Variants in MINDY3 observed in about 807,000 individuals in gnomAD.
The protein encoded by MINDY3 is ubiquitin carboxyl-terminal hydrolase MINDY-3.
MINDY3 carries 38 observed loss-of-function variants against 69.2 expected under a neutral mutation model. The observed-to-expected ratio is 0.55, with a 90% CI of 0.42 to 0.72. The LOEUF (loss-of-function observed/expected upper bound fraction) is 0.72, where lower values mean the gene tolerates loss of function less well. Among genes scored for constraint, MINDY3 ranks in the 30% least tolerant of loss-of-function variants. The probability of loss-of-function intolerance (pLI) is 0.00; values close to 1 mark genes in which losing one functional copy is unlikely to be tolerated. For synonymous variants in MINDY3, 192 were observed against 180.1 expected (o/e 1.07, Z -0.53); for missense variants, 522 against 519.0 (o/e 1.01, Z -0.06).
At chr10:15,858,866 G>A (rs1834879765) in intron 1 of MINDY3, among the ~76,000 whole-genome samples, 2 of 152,104 alleles carry the variant, frequency 1.3e-5, no homozygotes, top group African/African-American at 4.8e-5. Flanking sequence ...GTAAGTCAAA[G>A]TGGGAAGTGT....
At chr10:15,849,254 G>C (rs1834095072) in intron 1 of MINDY3, among the ~76,000 whole-genome samples, 1 of 152,110 alleles carries the variant, frequency 6.6e-6, no homozygotes, top group African/African-American at 2.4e-5. Flanking sequence ...AAGCAAAAAG[G>C]TTTTCCAAGA....
chr10:15,841,549 T>C lies in MINDY3; in HGVS notation c.286A>G (p.Ser96Gly), dbSNP rs778924662. 1 of 1,611,406 alleles carries C rather than the reference T, an allele frequency of 6.2e-7. No homozygotes were observed. The highest frequency in any genetic ancestry group is 8.5e-7 in the Non-Finnish European group (1 of 1,178,328). The change falls in exon 4 of 15, where the codon AGT (serine) becomes GGT (glycine). Residue 96 changes from serine (S) to glycine (G), a missense_variant. By Grantham distance (56) the Ser-to-Gly change is moderately conservative. Coordinates refer to ENST00000277632, the MANE Select transcript of MINDY3 (RefSeq NM_024948.4). The stretch of plus-strand genomic sequence containing the variant: ...GATCCAGAGTGGTCACAACAAGCAC[T>C]TTCTAAAATATCACACAAGGTATGA... ...LCHTLCDILESACCDHSGSYC... is the reference protein window; with the variant it reads ...LCHTLCDILEGACCDHSGSYC...
At chr10:15,787,377 T>C (rs979602197) in intron 12 of MINDY3, among the ~76,000 whole-genome samples, 1 of 152,080 alleles carries the variant, frequency 6.6e-6, no homozygotes, top group Non-Finnish European at 1.5e-5. Flanking sequence ...AAAATGAAAA[T>C]AGTCTTCAGA....
rs546033141 is a variant in MINDY3, at chr10:15,813,156, T to C, written c.882+3679A>G. ...CCCCCAAAACTACTCCCACTACCAA[T>C]TTTTAACAAGTCTAGTTGTCCTAAC... On this transcript the variant is annotated intron_variant, in intron 10 of 14. Transcript: ENST00000277632. Among the ~76,000 whole-genome samples, 11 of 152,314 alleles carry C rather than the reference T, an allele frequency of 7.2e-5. No homozygotes were observed. The East Asian group carries it at 1.5e-3, about 21-fold the overall frequency.
chr10:15,827,542 CAATA>C (rs142839462), intron 8 of MINDY3, among the ~76,000 whole-genome samples: 48,509 of 148,526 alleles, frequency 0.33, 9,517 homozygotes, highest in African/African-American at 0.56. Flanking sequence ...GACTCCGTCT[CAATA>C]AATAAATAAA....
chr10:15,846,281 A>G (rs1276843727), intron 2 of MINDY3, among the ~76,000 whole-genome samples: 1 of 152,202 alleles, frequency 6.6e-6, no homozygotes, highest in Non-Finnish European at 1.5e-5. Context: ...TATACCCTCC[A>G]TTTAACTATA....
intron 14 of MINDY3, 33 bp from the exon 15 acceptor site, chr10:15,779,174 C>T: frequency 6.3e-7 from 1 of 1,598,314 alleles, no homozygotes; most frequent in Non-Finnish European, 8.5e-7. Context: ...CAAGGTCAAG[C>T]AACAGTCTTA....
At chr10:15,822,547 A>G (rs553126576) in intron 8 of MINDY3, among the ~76,000 whole-genome samples, 1 of 152,224 alleles carries the variant, frequency 6.6e-6, no homozygotes, top group Non-Finnish European at 1.5e-5. Flanking sequence ...GTTTCCTTAA[A>G]TGTTTCTGGT....
chr10:15,816,023 T>G lies in MINDY3; in HGVS notation c.882+812A>C, dbSNP rs142738004. 1.7e-3 allele frequency among the ~76,000 whole-genome samples: 254 copies of G among 152,196 alleles called. 1 individual carries two copies. The highest frequency in any genetic ancestry group is 5.8e-3 in the African/African-American group (243 of 41,548). ...GCTCACGCCTGTGATCCCAACACTT[T>G]GGGAGGCAGAGGTGGGCAGATCACT... On this transcript the variant is annotated intron_variant, in intron 10 of 14. Coordinates refer to ENST00000277632, the MANE Select transcript of MINDY3 (RefSeq NM_024948.4).
At chr10:15,826,032 T>G (rs1840064344) in intron 8 of MINDY3, among the ~76,000 whole-genome samples, 1 of 152,024 alleles carries the variant, frequency 6.6e-6, no homozygotes, top group South Asian at 2.1e-4. Context: ...AAGAATTCCT[T>G]TAAGATAAAA....
rs146181779 is a variant in MINDY3, at chr10:15,801,746, A to C, written c.883-5574T>G. On this transcript the variant is annotated intron_variant, in intron 10 of 14. Transcript: ENST00000277632. ...ACTGAAGAGGCCATCACTGTTACAG[A>C]AAAAGCTAATCCATCTGGCCCAAAA... Among the ~76,000 whole-genome samples the C allele has an allele frequency of 3.7e-3, 558 of 152,206 alleles. 6 individuals carry two copies. Among genetic ancestry groups the C allele is most frequent in the African/African-American group, 0.012 (494 of 41,546 alleles).
rs10719399 is a variant in MINDY3 at position 15,848,633 on chromosome 10, C to CAAAAAAAAAAAAAAAA, written c.95-706_95-691dup. Among the ~76,000 whole-genome samples, 51 of 48,804 alleles carry CAAAAAAAAAAAAAAAA rather than the reference C, an allele frequency of 1.0e-3. 1 individual carries two copies. The highest frequency in any genetic ancestry group is 2.5e-3 in the African/African-American group (18 of 7,164). The allele number at this position is 48,804 out of a possible 152,430, so 32.0% of individuals were successfully genotyped here. On this transcript the variant is annotated intron_variant, in intron 1 of 14. Coordinates refer to ENST00000277632, the MANE Select transcript of MINDY3 (RefSeq NM_024948.4). The stretch of plus-strand genomic sequence containing the variant: ...TGGGCCACAGAGCTAGACTTCATCT[C>CAAAAAAAAAAAAAAAA]AAAAAAAAAAAAAAAAAAAAAAAAA...
At chr10:15,816,282 G>GAAAAAAAAAAAAAAAAAAAAAA (rs1421619763) in intron 10 of MINDY3, among the ~76,000 whole-genome samples, 3 of 108,478 alleles carry the variant, frequency 2.8e-5, no homozygotes, top group African/African-American at 1.2e-4. Flanking sequence ...AAAAAAAAAT[G>GAAAAAAAAAAAAAAAAAAAAAA]AAAAAGAAAA....
At chr10:15,825,371 T>G (rs1045227298) in intron 8 of MINDY3, among the ~76,000 whole-genome samples, 5 of 152,230 alleles carry the variant, frequency 3.3e-5, no homozygotes, top group Non-Finnish European at 5.9e-5. Context: ...TTGCCAGAAT[T>G]AATTTACTAT....
At chr10:15,831,367 A>T (rs555000689) in intron 8 of MINDY3, among the ~76,000 whole-genome samples, 19 of 152,332 alleles carry the variant, frequency 1.2e-4, no homozygotes, top group Admixed American at 7.2e-4. Context: ...TGAAATATAA[A>T]TGGGGTATTT....
intron 10 of MINDY3, among the ~76,000 whole-genome samples, chr10:15,811,495 T>C (rs1838996404): frequency 6.6e-6 from 1 of 152,184 alleles, no homozygotes; most frequent in Admixed American, 6.6e-5. Flanking sequence ...ATTTTGGAAG[T>C]GATATTCACT....
chr10:15,828,755 G>T (rs1840261354), intron 8 of MINDY3, among the ~76,000 whole-genome samples: 1 of 151,984 alleles, frequency 6.6e-6, no homozygotes, highest in South Asian at 2.1e-4. Flanking sequence ...GAAACTCAAG[G>T]CAAAAAACAG....
At chr10:15,795,094 G>T (rs1046271729) in intron 11 of MINDY3, among the ~76,000 whole-genome samples, 4 of 151,938 alleles carry the variant, frequency 2.6e-5, no homozygotes, top group African/African-American at 9.7e-5. Context: ...TTTGGTTTTG[G>T]AATGTTCATA....
chr10:15,841,367 T>A, intron 4 of MINDY3, 59 bp downstream of exon 4: 1 of 1,342,470 alleles, frequency 7.4e-7, no homozygotes, highest in South Asian at 1.3e-5. Context: ...AAATATTCAA[T>A]AGATTCATTA....
Sources: gnomAD v4.1 joint callset for allele counts (sites outside exome capture counted in the v4.1 genomes callset) on GRCh38, gnomAD v4.1.1 for gene constraint, MANE v1.5 for transcripts, NCBI Gene and HGNC (gene_info 2026-07-23, HGNC 2026-07-21) for gene names.